The following CHD9 variants were observed in gnomAD, a reference collection of about 807,000 sequenced individuals.
CHD9 encodes ATP-dependent chromatin remodeler CHD9.
CHD9 carries 77 observed loss-of-function variants against 316.1 expected under a neutral mutation model. That is an observed-to-expected ratio of 0.24 (90% CI 0.20 to 0.29). CHD9 has a LOEUF of 0.29. Ranked by LOEUF, CHD9 falls within the 10% of genes least tolerant of loss-of-function variation. The pLI, the probability that CHD9 is intolerant of heterozygous loss-of-function variation, is 1.00. For synonymous variants in CHD9, 1,129 were observed against 1,158.3 expected (o/e 0.97, Z 0.51); for missense variants, 2,763 against 3,438.1 (o/e 0.80, Z 4.91).
chr16:53,155,831 T>C (rs1175345906), intron 1 of CHD9, 95 bp from the exon 2 acceptor site: 3 of 410,114 alleles, frequency 7.3e-6, no homozygotes, highest in Non-Finnish European at 1.3e-5. Context: ...GTGACTGACC[T>C]CTTTCACTTA....
intron 27 of CHD9, among the ~76,000 whole-genome samples, chr16:53,290,882 G>T (rs1169605740): frequency 1.3e-5 from 2 of 152,162 alleles, no homozygotes; most frequent in African/African-American, 2.4e-5. Context: ...AAACAAGGAG[G>T]ATAGCATGAT....
chr16:53,322,259 A>C (rs1172680400), intron 38 of CHD9, among the ~76,000 whole-genome samples: 1 of 151,524 alleles, frequency 6.6e-6, no homozygotes, highest in Non-Finnish European at 1.5e-5. Context: ...AGCCTCCCAA[A>C]GTGCTAGGAT....
Position 53,097,016 on chromosome 16 carries a change from C to T in CHD9, c.-165+41939C>T, listed in dbSNP as rs1294900243. 4.6e-5 allele frequency among the ~76,000 whole-genome samples: 7 copies of T among 151,930 alleles called. No homozygotes were observed. The East Asian group carries it at 7.7e-4, about 17-fold the overall frequency. ...GGCAGAGCCCTCATGATGCAAGCAC[C>T]GTTTAAAGACCACATCTCTCAATAC... is the stretch of plus-strand genomic sequence containing the variant. On this transcript the variant is annotated intron_variant, in intron 1 of 38. Coordinates refer to ENST00000447540, the MANE Select transcript of CHD9 (RefSeq NM_001308319.2).
At chr16:53,164,649 G>C (rs1435560268) in intron 2 of CHD9, among the ~76,000 whole-genome samples, 1 of 151,560 alleles carries the variant, frequency 6.6e-6, no homozygotes, top group Non-Finnish European at 1.5e-5. Flanking sequence ...TTTTGGAGGG[G>C]GGGGTTTGTT....
chr16:53,087,971 C>T (rs1024876592), intron 1 of CHD9, among the ~76,000 whole-genome samples: 1 of 151,632 alleles, frequency 6.6e-6, no homozygotes, highest in African/African-American at 2.4e-5. Flanking sequence ...AATAGAAATC[C>T]AATCCAAGAT....
At chr16:53,307,092 A>G (rs1218596726) in intron 32 of CHD9, among the ~76,000 whole-genome samples, 2 of 151,926 alleles carry the variant, frequency 1.3e-5, no homozygotes, top group African/African-American at 4.8e-5. Context: ...TTTTTCTTCC[A>G]TTATGTGACT....
chr16:53,115,902 AG>A lies in CHD9; in HGVS notation c.-164-40023del, dbSNP rs887682686. ...TTGCAAGACTTGAAGAGGAAGAAGG[AG>A]CAGCTGTACCTAGAGCCAGTGGTAA... On this transcript the variant is annotated intron_variant, in intron 1 of 38. Coordinates refer to ENST00000447540, the MANE Select transcript of CHD9 (RefSeq NM_001308319.2). 1.2e-4 allele frequency among the ~76,000 whole-genome samples: 18 copies of A among 152,314 alleles called. No homozygotes were observed. In the East Asian group the frequency reaches 3.5e-3, roughly 29 times the overall value.
At chr16:53,216,581 C>T (rs1209232581) in intron 3 of CHD9, among the ~76,000 whole-genome samples, 1 of 152,116 alleles carries the variant, frequency 6.6e-6, no homozygotes, top group East Asian at 1.9e-4. Context: ...TATGGTGGGA[C>T]CAATACCTAC....
At chr16:53,107,007 G>A (rs575078566) in intron 1 of CHD9, among the ~76,000 whole-genome samples, 74 of 152,064 alleles carry the variant, frequency 4.9e-4, no homozygotes, top group Non-Finnish European at 9.1e-4. Flanking sequence ...TAGAATAAGA[G>A]TACACTACCA....
intron 1 of CHD9, among the ~76,000 whole-genome samples, chr16:53,137,596 C>T (rs2152698210): frequency 1.3e-5 from 2 of 152,264 alleles, no homozygotes; most frequent in East Asian, 3.9e-4. Flanking sequence ...GATTAAAATG[C>T]TGCTATATTT....
chr16:53,256,381 C>CTTTTTTTTTTT (rs1163977563), intron 19 of CHD9, among the ~76,000 whole-genome samples: 55 of 99,238 alleles, frequency 5.5e-4, no homozygotes, highest in African/African-American at 7.4e-4. Flanking sequence ...TTTTTCTTTT[C>CTTTTTTTTTTT]TTTTTTTTTT....
chr16:53,254,721 T>C (rs2050432623), intron 18 of CHD9, 116 bp downstream of exon 18: 9 of 840,434 alleles, frequency 1.1e-5, no homozygotes, highest in Non-Finnish European at 1.6e-5. Context: ...ATTTGTTTTC[T>C]GCAGGGGAAC....
In CHD9 at chr16:53,315,029, G is replaced by T; in HGVS notation, c.7569G>T (p.Leu2523Phe). The T allele has an allele frequency of 6.2e-7, 1 of 1,613,144 alleles. No homozygotes were observed. The highest frequency in any genetic ancestry group is 1.1e-5 in the South Asian group (1 of 90,990). ...LKEHPGYVED[L>F]GAFIPRMQLH... The stretch of plus-strand genomic sequence containing the variant: ...AGCACCCGGGTTATGTGGAAGATTT[G>T]GGAGCTTTTATTCCTGTAGGTGACA... Residue 2523 changes from leucine to phenylalanine, a missense_variant, in exon 36 of 39, where the codon TTG becomes TTT. Coordinates refer to ENST00000447540, the MANE Select transcript of CHD9 (RefSeq NM_001308319.2).
intron 3 of CHD9, among the ~76,000 whole-genome samples, chr16:53,214,341 G>A (rs755269090): frequency 3.9e-5 from 6 of 152,106 alleles, no homozygotes; most frequent in South Asian, 2.1e-4. Flanking sequence ...ATAAAGTGAC[G>A]TATGAAGCCC....
Position 53,318,317 on chromosome 16 carries a change from A to G in CHD9, c.7690A>G (p.Ile2564Val). The stretch of plus-strand genomic sequence containing the variant: ...CACTGGAGAAGAACGTGTTCAACTG[A>G]TTAACAGAAGAAATGCTAGAAAGGT... ...SLTGEERVQL[I>V]NRRNARKVGG... Residue 2564 changes from isoleucine to valine, a missense_variant, in exon 37 of 39, where the codon ATT (isoleucine) becomes GTT (valine). Ile to Val is a conservative substitution (Grantham distance 29, BLOSUM62 3). Transcript: ENST00000447540. The G allele has an allele frequency of 6.2e-7, 1 of 1,605,100 alleles. No homozygotes were observed.
At chr16:53,169,978 A>T (rs764287544) in intron 2 of CHD9, among the ~76,000 whole-genome samples, 9 of 152,034 alleles carry the variant, frequency 5.9e-5, no homozygotes, top group Non-Finnish European at 1.3e-4. Context: ...ACATTTTTTT[A>T]AAATACAGGT....
chr16:53,238,676 C>A, intron 12 of CHD9, 90 bp downstream of exon 12: 1 of 1,279,406 alleles, frequency 7.8e-7, no homozygotes, highest in Non-Finnish European at 1.1e-6. Context: ...ATTTAGGATA[C>A]ATTTTAATTG....
chr16:53,305,603 CTT>C (rs1342237325), intron 31 of CHD9, among the ~76,000 whole-genome samples: 7 of 152,168 alleles, frequency 4.6e-5, no homozygotes, highest in Non-Finnish European at 8.8e-5. Flanking sequence ...CACCAAGAGT[CTT>C]AAGCTAATGA....
intron 2 of CHD9, among the ~76,000 whole-genome samples, chr16:53,161,394 C>T (rs2041902518): frequency 6.6e-6 from 1 of 152,074 alleles, no homozygotes; most frequent in South Asian, 2.1e-4. Context: ...TACTACATAG[C>T]TGAAATGTTA....
Sources: gnomAD v4.1 joint callset for allele counts (sites outside exome capture counted in the v4.1 genomes callset) on GRCh38, gnomAD v4.1.1 for gene constraint, MANE v1.5 for transcripts, NCBI Gene and HGNC (gene_info 2026-07-23, HGNC 2026-07-21) for gene names.